ASPH: variants seen among roughly 807,000 people sequenced by gnomAD.
ASPH encodes aspartyl/asparaginyl beta-hydroxylase.
ASPH carries 100 observed loss-of-function variants against 118.4 expected under a neutral mutation model. The observed-to-expected ratio is 0.84, with a 90% CI of 0.72 to 1.00. The LOEUF (loss-of-function observed/expected upper bound fraction) is 1.00, where lower values mean the gene tolerates loss of function less well. Among genes scored for constraint, ASPH ranks in the 50% least tolerant of loss-of-function variants. The pLI is 0.00. For missense variants in ASPH, 920 were observed against 919.5 expected (o/e 1.00, Z -0.01); for synonymous variants, 315 against 325.6 (o/e 0.97, Z 0.35).
At chr8:61,644,692 C>T in intron 6 of ASPH, 60 bp from the exon 7 acceptor site, 2 of 1,284,592 alleles carry the variant, frequency 1.6e-6, no homozygotes, top group Non-Finnish European at 2.2e-6. Flanking sequence ...TGTATATATC[C>T]CGTATATGTA....
At chr8:61,580,537 T>A (rs1837187036) in intron 15 of ASPH, among the ~76,000 whole-genome samples, 1 of 152,222 alleles carries the variant, frequency 6.6e-6, no homozygotes, top group Non-Finnish European at 1.5e-5. Context: ...AAGAGAACTT[T>A]GTTCTCTCGC....
In ASPH at chr8:61,609,107, C is replaced by T. The variant is rs79566494; in HGVS notation, c.976+9871G>A. Among the ~76,000 whole-genome samples the T allele has an allele frequency of 9.4e-3, 1,425 of 152,268 alleles. 9 individuals carry two copies. The highest frequency in any genetic ancestry group is 0.015 in the Admixed American group (222 of 15,292). ...AAGCATTATGGCAGGTGATACACCA[C>T]GAGTGCGGCTGCTCTCCTGGCACTG... On this transcript the variant is annotated intron_variant, in intron 14 of 24. Coordinates refer to ENST00000379454, the MANE Select transcript of ASPH (RefSeq NM_004318.4).
intron 13 of ASPH, among the ~76,000 whole-genome samples, chr8:61,630,873 T>C (rs533657047): frequency 3.7e-4 from 56 of 152,334 alleles, no homozygotes; most frequent in Admixed American, 3.5e-3. Flanking sequence ...CCAGAAGTCA[T>C]TGTTATCATA....
At chr8:61,551,673 A>G (rs1275134517) in intron 20 of ASPH, among the ~76,000 whole-genome samples, 1 of 152,134 alleles carries the variant, frequency 6.6e-6, no homozygotes, top group Non-Finnish European at 1.5e-5. Context: ...TTTGCCCTGG[A>G]CTCTGAAATG....
chr8:61,517,502 T>C, intron 24 of ASPH, 26 bp downstream of exon 24: 1 of 1,610,748 alleles, frequency 6.2e-7, no homozygotes, highest in African/African-American at 1.3e-5. Flanking sequence ...AGGTGACGGA[T>C]ATGACGGATA....
At chr8:61,510,245 T>G (rs147167454) in intron 24 of ASPH, among the ~76,000 whole-genome samples, 1,831 of 152,342 alleles carry the variant, frequency 0.012, 16 homozygotes, top group Non-Finnish European at 0.019. Flanking sequence ...ATATTGAGGC[T>G]TAATGAGGTT....
intron 1 of ASPH, among the ~76,000 whole-genome samples, chr8:61,712,463 C>T (rs931354591): frequency 2.0e-5 from 3 of 152,208 alleles, no homozygotes; most frequent in Non-Finnish European, 4.4e-5. Flanking sequence ...CATTACGTCA[C>T]ATGCAGGGTT....
intron 3 of ASPH, among the ~76,000 whole-genome samples, chr8:61,676,486 C>T (rs1004598857): frequency 1.3e-5 from 2 of 152,118 alleles, no homozygotes; most frequent in African/African-American, 4.8e-5. Context: ...ACCTTACAAT[C>T]AACTCTCAAT....
At chr8:61,528,177 A>G (rs984759575) in intron 21 of ASPH, among the ~76,000 whole-genome samples, 3 of 152,214 alleles carry the variant, frequency 2.0e-5, no homozygotes, top group African/African-American at 7.2e-5. Flanking sequence ...CCAAGTGGGC[A>G]GTTCATGAAG....
At chr8:61,662,131 A>G (rs2151292448) in intron 3 of ASPH, among the ~76,000 whole-genome samples, 1 of 152,338 alleles carries the variant, frequency 6.6e-6, no homozygotes, top group South Asian at 2.1e-4. Context: ...ATAGAAGATC[A>G]TCCTGGAAAA....
chr8:61,663,068 A>G, intron 3 of ASPH: 1 of 985,444 alleles, frequency 1.0e-6, no homozygotes, highest in South Asian at 4.7e-5. Flanking sequence ...AAAATTTTGT[A>G]CATAAGTTTT....
Position 61,506,382 on chromosome 8 carries a change from A to C in ASPH, c.2127-2873T>G, listed in dbSNP as rs78831671. On this transcript the variant is annotated intron_variant, in intron 24 of 24. Transcript: ENST00000379454. ...AGTTTCAGTTTTGCAAGTTAGAAAG[A>C]GTTTTGAGGATAGATCATGTTGATG... 4.6e-5 allele frequency among the ~76,000 whole-genome samples: 7 copies of C among 152,310 alleles called. No homozygotes were observed. The East Asian group carries it at 1.4e-3, about 29-fold the overall frequency.
At chr8:61,661,518 C>T (rs1816904259) in intron 3 of ASPH, 1 of 156,352 alleles carries the variant, frequency 6.4e-6, no homozygotes, top group Non-Finnish European at 1.4e-5. Flanking sequence ...AGAATTATTA[C>T]CAGTGGGCAT....
intron 3 of ASPH, among the ~76,000 whole-genome samples, chr8:61,655,928 T>G (rs185635124): frequency 1.8e-4 from 28 of 152,330 alleles, no homozygotes; most frequent in Admixed American, 1.8e-3. Flanking sequence ...ATAAACTTTT[T>G]GAAACTTAAC....
At chr8:61,588,919 A>G (rs954769044) in intron 14 of ASPH, among the ~76,000 whole-genome samples, 2 of 152,248 alleles carry the variant, frequency 1.3e-5, no homozygotes, top group Non-Finnish European at 2.9e-5. Flanking sequence ...TATCCAAAAA[A>G]TGAAATACTA....
intron 17 of ASPH, among the ~76,000 whole-genome samples, chr8:61,564,878 C>G (rs1386642514): frequency 6.6e-6 from 1 of 152,216 alleles, no homozygotes; most frequent in African/African-American, 2.4e-5. Flanking sequence ...ATAGGAGCCT[C>G]CCCTAAGTGA....
At chr8:61,693,655 C>CG (rs1412231363) in intron 1 of ASPH, among the ~76,000 whole-genome samples, 2 of 152,200 alleles carry the variant, frequency 1.3e-5, no homozygotes, top group Non-Finnish European at 2.9e-5. Context: ...CACCACACGA[C>CG]GCACAGAATG....
chr8:61,638,154 A>C, intron 11 of ASPH, 151 bp from the exon 12 acceptor site: 1 of 1,143,116 alleles, frequency 8.7e-7, no homozygotes, highest in Admixed American at 2.8e-5. Flanking sequence ...TCTGCAGAGT[A>C]TTTATATTAG....
At chr8:61,574,447 C>G (rs1216186920) in intron 16 of ASPH, among the ~76,000 whole-genome samples, 1 of 152,144 alleles carries the variant, frequency 6.6e-6, no homozygotes, top group East Asian at 1.9e-4. Flanking sequence ...TGGAACCAAC[C>G]CAAATGCCCA....
Sources: gnomAD v4.1 joint callset for allele counts (sites outside exome capture counted in the v4.1 genomes callset) on GRCh38, gnomAD v4.1.1 for gene constraint, MANE v1.5 for transcripts, NCBI Gene and HGNC (gene_info 2026-07-23, HGNC 2026-07-21) for gene names.